The following SDF4 variants were observed in gnomAD, a reference collection of about 807,000 sequenced individuals.
SDF4 encodes the protein stromal cell derived factor 4.
SDF4 carries 22 observed loss-of-function variants against 34.2 expected under a neutral mutation model. The ratio of observed to expected loss-of-function variants is 0.64; its 90% CI spans 0.46 to 0.92. The LOEUF (loss-of-function observed/expected upper bound fraction) is 0.92, where lower values mean the gene tolerates loss of function less well. SDF4 is among the 40% of genes least tolerant of loss of function. The pLI is 0.00. For synonymous variants in SDF4, 236 were observed against 203.1 expected, an observed-to-expected ratio of 1.16 and a Z score of -1.38; for missense variants, 447 against 499.9, an observed-to-expected ratio of 0.89 and a Z score of 1.01.
intron 4 of SDF4, chr1:1,220,613 C>A: frequency 1.6e-6 from 2 of 1,289,022 alleles, no homozygotes; most frequent in Non-Finnish European, 2.0e-6. Flanking sequence ...AGCACCTCAG[C>A]ATGCATGGGG....
At position 1,223,971 on chromosome 1, in the gene SDF4, G is replaced by A. The variant is rs759948652; in HGVS notation, c.306-3C>T. 9.9e-6 allele frequency: 16 copies of A among 1,609,602 alleles called. No individual in the cohort carries two copies. Among genetic ancestry groups the A allele is most frequent in the Non-Finnish European group, 1.3e-5 (15 of 1,179,768 alleles). On this transcript the variant is annotated splice_polypyrimidine_tract_variant and splice_region_variant and intron_variant, in intron 2 of 6. Transcript: ENST00000360001. The stretch of plus-strand genomic sequence containing the variant: ...TCCGGTCAGTGTTCACATCCACCCT[G>A]CAAGACAGCAAATGGGCAGGTGGCC...
chr1:1,231,768 G>A (rs1384775945), intron 1 of SDF4, 124 bp downstream of exon 1: 1 of 152,226 alleles, frequency 6.6e-6, no homozygotes, highest in Non-Finnish European at 1.5e-5. Context: ...TCAAGGCCGA[G>A]CGGACGGACG....
intron 2 of SDF4, among the ~76,000 whole-genome samples, chr1:1,226,628 G>A (rs1638319737): frequency 6.6e-6 from 1 of 152,204 alleles, no homozygotes; most frequent in Admixed American, 6.5e-5. Context: ...GTGTGGGAAG[G>A]GAAGTCTAAA....
intron 1 of SDF4, among the ~76,000 whole-genome samples, chr1:1,230,727 G>C (rs1638467253): frequency 6.6e-6 from 1 of 152,224 alleles, no homozygotes; most frequent in African/African-American, 2.4e-5. Flanking sequence ...CCAAAGTGCT[G>C]GGACTATAGG....
At chr1:1,226,264 A>G (rs1638304110) in intron 2 of SDF4, among the ~76,000 whole-genome samples, 1 of 152,108 alleles carries the variant, frequency 6.6e-6, no homozygotes, top group African/African-American at 2.4e-5. Flanking sequence ...GGGAAGCGGG[A>G]AGGAAGTGAA....
In SDF4 at chr1:1,217,306, G is replaced by A. The variant is rs765375749; in HGVS notation, c.*206C>T. The A allele has an allele frequency of 1.9e-4, 48 of 248,918 alleles. No homozygotes were observed. The East Asian group carries it at 2.8e-3, about 15-fold the overall frequency. The allele number at this position is 248,918 out of a possible 1,614,324, so 15.4% of individuals were successfully genotyped here. ...CGCCGCGGGGCCACAGCCCAGCCCC[G>A]CGCCCCGACCGCGTCACAGCCAAAG... On this transcript the variant is annotated 3_prime_UTR_variant, in exon 7 of 7. Transcript: ENST00000360001. This position sits in a 1 kb window ranked among gnomAD's most constrained non-coding sequence, Gnocchi z 8.5.
intron 2 of SDF4, among the ~76,000 whole-genome samples, chr1:1,224,597 C>T (rs1359530870): frequency 6.6e-6 from 1 of 152,180 alleles, no homozygotes; most frequent in Non-Finnish European, 1.5e-5. Context: ...ATTTTCGATG[C>T]TTCAGGTATG....
At chr1:1,222,501 G>A (rs925111651) in intron 4 of SDF4, among the ~76,000 whole-genome samples, 5 of 152,094 alleles carry the variant, frequency 3.3e-5, no homozygotes, top group Non-Finnish European at 4.4e-5. Flanking sequence ...GGACCTGACC[G>A]CTCTCTGGTG....
chr1:1,228,613 G>A lies in SDF4; in HGVS notation c.160C>T (p.His54Tyr), dbSNP rs780570553. Residue 54 changes from histidine to tyrosine, a missense_variant, in exon 2 of 7, where the codon CAC (histidine) becomes TAC (tyrosine). Transcript: ENST00000360001. ...ATCTCCAGCTTCACCCCGTTCAGGT[G>A]GTCTGGGGGCAGGATCTCATTCTCC... ...REENEILPPD[H>Y]LNGVKLEMDG... The A allele has an allele frequency of 6.2e-7, 1 of 1,613,268 alleles. No homozygotes were observed.
intron 2 of SDF4, among the ~76,000 whole-genome samples, chr1:1,226,401 T>C (rs1388956389): frequency 6.6e-6 from 1 of 151,592 alleles, no homozygotes; most frequent in Non-Finnish European, 1.5e-5. Flanking sequence ...CCCTCAACCC[T>C]GTACGGTCAG....
chr1:1,229,160 G>T (rs80229541), intron 1 of SDF4, among the ~76,000 whole-genome samples: 17,412 of 152,002 alleles, frequency 0.11, 1,135 homozygotes, highest in East Asian at 0.17. Context: ...GACCACACGT[G>T]GCATTTGTTT....
rs1056494677 is a variant in SDF4, at chr1:1,218,311, G to A, written c.891+147C>T. The A allele has an allele frequency of 3.5e-5, 29 of 831,480 alleles. No homozygotes were observed. Among genetic ancestry groups the A allele is most frequent in the East Asian group, 1.1e-4 (4 of 37,468 alleles). The allele number at this position is 831,480 out of a possible 1,614,324, so 51.5% of individuals were successfully genotyped here. A position where few individuals can be genotyped will look rare whatever the true frequency, so the allele number is the denominator to read the frequency against. Reference sequence around the variant, plus strand: ...ACGGCCATGCAGCCTGGTGGACACCGCTGAGCAAACGCCCCAGTGACCAGC... The same window carrying A: ...ACGGCCATGCAGCCTGGTGGACACCACTGAGCAAACGCCCCAGTGACCAGC... On this transcript the variant is annotated intron_variant, in intron 6 of 6. Transcript: ENST00000360001. This position sits in a 1 kb window ranked among gnomAD's most constrained non-coding sequence, Gnocchi z 7.9.
rs1463319540 is a variant in SDF4, at chr1:1,217,552, T to C, written c.1028A>G (p.Lys343Arg). 1.2e-6 allele frequency: 2 copies of C among 1,613,078 alleles called. No individual in the cohort carries two copies. Among genetic ancestry groups the C allele is most frequent in the Non-Finnish European group, 1.7e-6 (2 of 1,179,758 alleles). ...LKYSEFFTGS[K>R]LVDYARSVHE... Reference sequence around the variant, plus strand: ...CACGCTGCGCGCGTAGTCCACCAGCTTGCTGCCCGTGAAGAACTCGCTGTA... The same window carrying C: ...CACGCTGCGCGCGTAGTCCACCAGCCTGCTGCCCGTGAAGAACTCGCTGTA... Residue 343 changes from lysine to arginine, a missense_variant, in exon 7 of 7, where the codon AAG becomes AGG. Physicochemically the swap from Lys to Arg is conservative, Grantham distance 26. Transcript: ENST00000360001. The surrounding 1 kb of genome is among the most constrained non-coding windows in gnomAD (Gnocchi z 8.5).
intron 1 of SDF4, among the ~76,000 whole-genome samples, 153 bp from the exon 2 acceptor site, chr1:1,229,099 C>T (rs1638411940): frequency 1.3e-5 from 2 of 152,040 alleles, no homozygotes. Context: ...CTTCTCCAGA[C>T]CACACGTGGC....
rs1025510884 is a variant in SDF4 at position 1,223,068 on chromosome 1, C to T, written c.556+176G>A. The T allele has an allele frequency of 4.8e-5, 29 of 606,650 alleles. No individual in the cohort carries two copies. The African/African-American group carries it at 4.8e-4, about 10-fold the overall frequency. 37.6% of individuals were successfully genotyped at this position (606,650 alleles called of 1,614,324 possible). A position where few individuals can be genotyped will look rare whatever the true frequency, so the allele number is the denominator to read the frequency against. ...CACACGTACACACAACATGCACACA[C>T]GTACTCACGAGCACGCGCACAGCAC... is the stretch of plus-strand genomic sequence containing the variant. On this transcript the variant is annotated intron_variant, in intron 4 of 6. Coordinates refer to ENST00000360001, the MANE Select transcript of SDF4 (RefSeq NM_016176.6).
At position 1,228,791 on chromosome 1, in the gene SDF4, C is replaced by A; in HGVS notation, c.-19G>T. ...ACGCCATCGCCACCCAGGGCCAGAC[C>A]ATGGGGCGGGCTGCAGGGTGTGGGC... On this transcript the variant is annotated 5_prime_UTR_variant, in exon 2 of 7. It removes an upstream start codon present in the reference 5' UTR. Transcript: ENST00000360001. The A allele has an allele frequency of 6.3e-7, 1 of 1,590,128 alleles. No individual in the cohort carries two copies. Among genetic ancestry groups the A allele is most frequent in the South Asian group, 1.1e-5 (1 of 89,612 alleles).
intron 2 of SDF4, among the ~76,000 whole-genome samples, chr1:1,225,653 C>T (rs2100980483): frequency 6.6e-6 from 1 of 152,224 alleles, no homozygotes; most frequent in Non-Finnish European, 1.5e-5. Context: ...CTCACGTGGA[C>T]ACGTGCATCC....
In SDF4 at chr1:1,217,812, G is replaced by A. The variant is rs981042286; in HGVS notation, c.892-124C>T. The A allele has an allele frequency of 1.4e-5, 22 of 1,562,356 alleles. No homozygotes were observed. Among genetic ancestry groups the A allele is most frequent in the Non-Finnish European group, 1.7e-5 (20 of 1,156,980 alleles). ...CGGGAGTGTGGGCACGTTCTGGAAGGTTCCCGAAGGGAGGCGGCACAAATG... is the reference window on the plus strand; with the variant it reads ...CGGGAGTGTGGGCACGTTCTGGAAGATTCCCGAAGGGAGGCGGCACAAATG... On this transcript the variant is annotated intron_variant, in intron 6 of 6. Coordinates refer to ENST00000360001, the MANE Select transcript of SDF4 (RefSeq NM_016176.6). The surrounding 1 kb of genome is among the most constrained non-coding windows in gnomAD (Gnocchi z 8.5).
At chr1:1,219,056 G>C in intron 4 of SDF4, 129 bp from the exon 5 acceptor site, 1 of 1,583,026 alleles carries the variant, frequency 6.3e-7, no homozygotes, top group Non-Finnish European at 8.6e-7. Flanking sequence ...CACCCTCCAG[G>C]ATTCACACGT....
Sources: allele counts gnomAD v4.1 joint callset (sites outside exome capture counted in the v4.1 genomes callset), GRCh38; gene constraint gnomAD v4.1.1; non-coding constraint Gnocchi (gnomAD v3.1); transcripts MANE v1.5; gene names NCBI Gene and HGNC (gene_info 2026-07-23, HGNC 2026-07-21).